Variants in INTS6 observed in about 807,000 individuals in gnomAD.
The protein encoded by INTS6 is DEAD box protein.
In INTS6, 16 loss-of-function variants were observed where a neutral mutation model predicts 104.9. The ratio of observed to expected loss-of-function variants is 0.15; its 90% CI spans 0.10 to 0.23. INTS6 has a LOEUF of 0.23. INTS6 is among the 10% of genes least tolerant of loss of function. The pLI, the probability that INTS6 is intolerant of heterozygous loss-of-function variation, is 1.00. For missense variants in INTS6, 584 were observed against 1,062.8 expected (o/e 0.55, Z 6.26); for synonymous variants, 324 against 358.7 (o/e 0.90, Z 1.09).
At chr13:51,451,945 A>G (rs1953064851) in intron 2 of INTS6, 33 bp downstream of exon 2, 1 of 1,514,562 alleles carries the variant, frequency 6.6e-7, no homozygotes, top group African/African-American at 1.4e-5. Context: ...CAGGGAAGGG[A>G]AGGGAGGAAA....
chr13:51,447,729 T>C, intron 3 of INTS6: 1 of 111,824 alleles, frequency 8.9e-6, no homozygotes, highest in East Asian at 2.5e-4. Context: ...TAACATAATT[T>C]ACTGAAAAAA....
intron 3 of INTS6, chr13:51,448,521 G>A (rs921899619): frequency 5.9e-5 from 9 of 152,118 alleles, no homozygotes; most frequent in African/African-American, 9.7e-5. Flanking sequence ...AATTCTGATA[G>A]CATCCTAGCT....
intron 3 of INTS6, chr13:51,449,292 C>T (rs1418139481): frequency 6.2e-6 from 1 of 162,038 alleles, no homozygotes; most frequent in African/African-American, 2.4e-5. Flanking sequence ...ACATCCCAAT[C>T]TCCAGGTTCT....
At position 51,452,615 on chromosome 13, in the gene INTS6, C is replaced by A. The variant is rs1953088442; in HGVS notation, c.-90G>T. ...GCCGGTGGCGGCGACCGCCGCTACG[C>A]GGGGCGGGGGAGCACGGCCCCCGGG... On this transcript the variant is annotated 5_prime_UTR_variant, in exon 1 of 18. Coordinates refer to ENST00000311234, the MANE Select transcript of INTS6 (RefSeq NM_012141.3). The surrounding 1 kb of genome is among the most constrained non-coding windows in gnomAD (Gnocchi z 4.2). 1.9e-6 allele frequency: 3 copies of A among 1,544,652 alleles called. No homozygotes were observed. The South Asian group carries it at 3.4e-5, about 18-fold the overall frequency.
At chr13:51,415,229 A>C (rs1956766621) in intron 4 of INTS6, among the ~76,000 whole-genome samples, 1 of 152,146 alleles carries the variant, frequency 6.6e-6, no homozygotes, top group Non-Finnish European at 1.5e-5. Context: ...TCTCACAGAA[A>C]AGTTGCAGTG....
intron 17 of INTS6, among the ~76,000 whole-genome samples, chr13:51,366,057 AG>A (rs1955681005): frequency 6.6e-6 from 1 of 151,908 alleles, no homozygotes; most frequent in Non-Finnish European, 1.5e-5. Flanking sequence ...AAAACACTCT[AG>A]GGCTAAACAA....
chr13:51,450,223 T>C (rs1388897874), intron 3 of INTS6: 1 of 984,668 alleles, frequency 1.0e-6, no homozygotes, highest in Non-Finnish European at 1.2e-6. Context: ...CATGTAACAT[T>C]ATACATTGTT....
chr13:51,400,423 CT>C (rs1956415620), intron 4 of INTS6, among the ~76,000 whole-genome samples: 1 of 152,130 alleles, frequency 6.6e-6, no homozygotes, highest in African/African-American at 2.4e-5. Flanking sequence ...ATGTTTTCTT[CT>C]AAAAGCTTAT....
chr13:51,342,491 G>A, the INTS6 span, among the ~76,000 whole-genome samples: 1 of 152,160 alleles, frequency 6.6e-6, no homozygotes, highest in African/African-American at 2.4e-5. Flanking sequence ...GTCAACCTCC[G>A]GCATTTTTTA....
chr13:51,442,303 A>C (rs1952813463), intron 3 of INTS6: 1 of 151,224 alleles, frequency 6.6e-6, no homozygotes, highest in Non-Finnish European at 1.5e-5. Context: ...GCCCGCCACC[A>C]TGCCCAGCTA....
the INTS6 span, chr13:51,348,611 G>C: frequency 4.1e-6 from 2 of 485,260 alleles, no homozygotes; most frequent in African/African-American, 3.5e-5. Flanking sequence ...CTAGCTCACA[G>C]CACAGACTGA....
At chr13:51,380,797 C>T (rs1168665838) in intron 10 of INTS6, among the ~76,000 whole-genome samples, 1 of 152,186 alleles carries the variant, frequency 6.6e-6, no homozygotes, top group Non-Finnish European at 1.5e-5. Flanking sequence ...GTTTTACCTA[C>T]TATGATACAC....
the INTS6 span, chr13:51,348,377 C>A: frequency 6.2e-7 from 1 of 1,613,918 alleles, no homozygotes; most frequent in Non-Finnish European, 8.5e-7. Flanking sequence ...GACCACCAGC[C>A]TGAGGAGAGC....
At chr13:51,381,721 G>A (rs1478875303) in intron 10 of INTS6, among the ~76,000 whole-genome samples, 3 of 144,946 alleles carry the variant, frequency 2.1e-5, no homozygotes, top group South Asian at 2.2e-4. Flanking sequence ...TTTTGGAGAC[G>A]GTGTTTCGCT....
chr13:51,452,135 C>A lies in INTS6; in HGVS notation c.112-80G>T. 1 of 1,329,148 alleles carries A rather than the reference C, an allele frequency of 7.5e-7. No homozygotes were observed. Among genetic ancestry groups the A allele is most frequent in the Non-Finnish European group, 1.1e-6 (1 of 944,764 alleles). 82.3% of individuals were successfully genotyped at this position (1,329,148 alleles called of 1,614,324 possible). On this transcript the variant is annotated intron_variant, in intron 1 of 17. Coordinates refer to ENST00000311234, the MANE Select transcript of INTS6 (RefSeq NM_012141.3). This position sits in a 1 kb window ranked among gnomAD's most constrained non-coding sequence, Gnocchi z 4.2. ...TACGAGGCGGAGAAGGGGCGCCCAG[C>A]GGCCCCGCCGCCCCCACAGTACCGC...
At chr13:51,348,262 T>C in the INTS6 span, 1 of 1,608,338 alleles carries the variant, frequency 6.2e-7, no homozygotes. Context: ...TGGAGCTTCC[T>C]TACCTGGGAA....
chr13:51,344,464 G>A, the INTS6 span: 15 of 1,592,862 alleles, frequency 9.4e-6, no homozygotes, highest in Admixed American at 2.7e-4. Context: ...GACTAGCGAA[G>A]GGGCCTCCAG....
chr13:51,354,515 G>T (rs1955450774), intron 3 of INTS6, among the ~76,000 whole-genome samples: 1 of 151,906 alleles, frequency 6.6e-6, no homozygotes, highest in African/African-American at 2.4e-5. Flanking sequence ...CAGCTACTCG[G>T]GAAGCTAAGG....
the INTS6 span, among the ~76,000 whole-genome samples, chr13:51,338,097 T>C: frequency 6.6e-6 from 1 of 152,208 alleles, no homozygotes; most frequent in Non-Finnish European, 1.5e-5. Flanking sequence ...GAATGGCATA[T>C]TCATAGAGTT....
Sources: gnomAD v4.1 joint callset for allele counts (sites outside exome capture counted in the v4.1 genomes callset) on GRCh38, gnomAD v4.1.1 for gene constraint, Gnocchi (gnomAD v3.1) non-coding constraint, MANE v1.5 for transcripts, NCBI Gene and HGNC (gene_info 2026-07-23, HGNC 2026-07-21) for gene names.